SYNE1: variants seen among roughly 807,000 people sequenced by gnomAD.
SYNE1 encodes the protein spectrin repeat containing nuclear envelope protein 1.
A neutral mutation model predicts 1,111.0 loss-of-function variants in SYNE1; 616 were observed. That is an observed-to-expected ratio of 0.55 (90% CI 0.52 to 0.59). The LOEUF (loss-of-function observed/expected upper bound fraction) is 0.59. Among genes scored for constraint, SYNE1 ranks in the 20% least tolerant of loss-of-function variants. The pLI, the probability that SYNE1 is intolerant of heterozygous loss-of-function variation, is 0.00. For missense variants in SYNE1, 10,006 were observed against 10,417.0 expected (o/e 0.96, Z 1.72); for synonymous variants, 3,855 against 3,825.8 (o/e 1.01, Z -0.28).
intron 108 of SYNE1, among the ~76,000 whole-genome samples, chr6:152,237,306 CTTTTTTTTTT>C (rs61142738): frequency 2.5e-5 from 3 of 119,668 alleles, no homozygotes; most frequent in Non-Finnish European, 5.1e-5. Flanking sequence ...TGGGTATGCA[CTTTTTTTTTT>C]TTTTTTTTTT....
intron 12 of SYNE1, among the ~76,000 whole-genome samples, chr6:152,487,381 G>A (rs890976965): frequency 7.9e-5 from 12 of 152,158 alleles, no homozygotes; most frequent in Admixed American, 2.0e-4. Context: ...GCATGATCTT[G>A]TTCCTTTATA....
rs528090478 is a variant in SYNE1 at position 152,435,952 on chromosome 6, C to T, written c.4299G>A (p.Thr1433=). The change falls in exon 33 of 146, where the codon ACG becomes ACA. Residue 1433 remains threonine, a synonymous_variant. Transcript: ENST00000367255. ...IKEQVKKLED[T]LEEDIKTMEM... ...TGTCAATCACATACTCTTCTTCAAG[C>T]GTGTCTTCTAATTTTTTGACTTGTT... 3.2e-5 allele frequency: 52 copies of T among 1,614,032 alleles called. No homozygotes were observed. Among genetic ancestry groups the T allele is most frequent in the Non-Finnish European group, 3.6e-5 (42 of 1,179,984 alleles).
chr6:152,449,726 G>A, intron 27 of SYNE1, 85 bp from the exon 28 acceptor site: 1 of 1,058,630 alleles, frequency 9.4e-7, no homozygotes, highest in Non-Finnish European at 1.5e-6. Flanking sequence ...TTCACTCATG[G>A]AAATTTAACA....
chr6:152,363,958 T>C (rs1470204263), intron 63 of SYNE1, among the ~76,000 whole-genome samples: 2 of 152,154 alleles, frequency 1.3e-5, no homozygotes, highest in Admixed American at 6.5e-5. Flanking sequence ...ATACCTGATA[T>C]GGTTAAGCTC....
intron 43 of SYNE1, 33 bp from the exon 44 acceptor site, chr6:152,409,259 A>G (rs772268817): frequency 2.5e-6 from 4 of 1,600,972 alleles, no homozygotes; most frequent in Non-Finnish European, 3.4e-6. Flanking sequence ...TTAATAAAAT[A>G]GTCAGTGATA....
In SYNE1 at chr6:152,401,119, A is replaced by T; in HGVS notation, c.7029+19T>A. 1 of 1,611,470 alleles carries T rather than the reference A, an allele frequency of 6.2e-7. No individual in the cohort carries two copies. Among genetic ancestry groups the T allele is most frequent in the Non-Finnish European group, 8.5e-7 (1 of 1,177,846 alleles). Reference sequence around the variant, plus strand: ...ATCACCATTTGAATGGAAGCACTTAATGATAGTTTATTACCTACCTTGACT... The same window carrying T: ...ATCACCATTTGAATGGAAGCACTTATTGATAGTTTATTACCTACCTTGACT... On this transcript the variant is annotated intron_variant, in intron 47 of 145. Coordinates refer to ENST00000367255, the MANE Select transcript of SYNE1 (RefSeq NM_182961.4).
intron 127 of SYNE1, among the ~76,000 whole-genome samples, chr6:152,190,254 C>T (rs2813525): frequency 0.044 from 6,726 of 152,220 alleles, 291 homozygotes; most frequent in African/African-American, 0.11. Context: ...GAAACTCAAT[C>T]ACATCTTCAG....
chr6:152,453,763 A>C, intron 24 of SYNE1, 43 bp from the exon 25 acceptor site: 2 of 1,613,552 alleles, frequency 1.2e-6, no homozygotes, highest in Non-Finnish European at 1.7e-6. Flanking sequence ...TGGACAGACG[A>C]AAAGGCAGCA....
intron 145 of SYNE1, chr6:152,126,334 C>T (rs1049390907): frequency 2.6e-5 from 4 of 152,174 alleles, no homozygotes; most frequent in African/African-American, 4.8e-5. Flanking sequence ...TATCAAGAAG[C>T]TAATGGTCCC....
intron 74 of SYNE1, among the ~76,000 whole-genome samples, chr6:152,342,974 T>C (rs2096561751): frequency 6.6e-6 from 1 of 152,160 alleles, no homozygotes; most frequent in African/African-American, 2.4e-5. Context: ...ATCTGTAGTG[T>C]GATATTTGCA....
At chr6:152,527,585 T>TA (rs1352543490) in intron 4 of SYNE1, among the ~76,000 whole-genome samples, 1 of 152,182 alleles carries the variant, frequency 6.6e-6, no homozygotes, top group East Asian at 1.9e-4. Flanking sequence ...ATACGGTCAT[T>TA]AAAAATGCAG....
At chr6:152,542,803 G>A (rs2099278010) in intron 3 of SYNE1, among the ~76,000 whole-genome samples, 1 of 152,062 alleles carries the variant, frequency 6.6e-6, no homozygotes, top group African/African-American at 2.4e-5. Context: ...AAGTTAGGTA[G>A]CGGCAAAATG....
chr6:152,310,788 G>T lies in SYNE1; in HGVS notation c.16796C>A (p.Thr5599Lys). ...TGCCACTTGCTGAGACATTTTTTCT[G>T]TACAGTACACGCTAGTGAGGTACTG... ...KLQYLTSVYC[T>K]EKMSQQVAEL... Residue 5599 changes from threonine to lysine, a missense_variant, in exon 88 of 146, where the codon ACA becomes AAA. By Grantham distance (78) the Thr-to-Lys change is moderately conservative. Transcript: ENST00000367255. 6.2e-7 allele frequency: 1 copy of T among 1,613,792 alleles called. No individual in the cohort carries two copies. The highest frequency in any genetic ancestry group is 8.5e-7 in the Non-Finnish European group (1 of 1,179,972).
chr6:152,431,784 G>A (rs115654294), intron 34 of SYNE1, among the ~76,000 whole-genome samples: 2,851 of 152,140 alleles, frequency 0.019, 37 homozygotes, highest in Non-Finnish European at 0.021. Flanking sequence ...CATAAATGTC[G>A]GATATGCATC....
intron 13 of SYNE1, 92 bp downstream of exon 13, chr6:152,484,743 C>A: frequency 7.3e-7 from 1 of 1,371,288 alleles, no homozygotes; most frequent in East Asian, 2.4e-5. Context: ...GCAGTAGAAC[C>A]TGTTGCCATA....
At chr6:152,157,380 C>T (rs1563094233) in intron 131 of SYNE1, among the ~76,000 whole-genome samples, 1 of 152,142 alleles carries the variant, frequency 6.6e-6, no homozygotes, top group Non-Finnish European at 1.5e-5. Flanking sequence ...AAAAGTTGAT[C>T]TCATGGAGGT....
intron 3 of SYNE1, among the ~76,000 whole-genome samples, chr6:152,586,738 T>A (rs1002956648): frequency 3.3e-5 from 5 of 152,038 alleles, no homozygotes; most frequent in Non-Finnish European, 7.4e-5. Context: ...TAGAACTTAT[T>A]TTGCATTTGG....
At chr6:152,301,770 G>T (rs2095179182) in intron 92 of SYNE1, 99 bp downstream of exon 92, 5 of 1,311,070 alleles carry the variant, frequency 3.8e-6, no homozygotes, top group South Asian at 1.5e-5. Flanking sequence ...CTGCAAGATC[G>T]AAGGCTGGTC....
chr6:152,372,346 C>T (rs1322138182), intron 59 of SYNE1, among the ~76,000 whole-genome samples: 2 of 152,160 alleles, frequency 1.3e-5, no homozygotes, highest in Non-Finnish European at 2.9e-5. Context: ...TATTATTTCT[C>T]TATCATTATC....
Sources: gnomAD v4.1 joint callset for allele counts (sites outside exome capture counted in the v4.1 genomes callset) on GRCh38, gnomAD v4.1.1 for gene constraint, MANE v1.5 for transcripts, NCBI Gene and HGNC (gene_info 2026-07-23, HGNC 2026-07-21) for gene names.